Variants in NUP42 observed in about 807,000 individuals in gnomAD.
NUP42 encodes the protein nucleoporin NUP42.
A neutral mutation model predicts 35.9 loss-of-function variants in NUP42; 47 were observed. The ratio of observed to expected loss-of-function variants is 1.31; its 90% CI spans 1.04 to 1.67. The LOEUF (loss-of-function observed/expected upper bound fraction) is 1.67, where lower values mean the gene tolerates loss of function less well. Ranked by LOEUF, NUP42 falls within the 40% of genes most tolerant of loss-of-function variation. The pLI is 0.00. For synonymous variants in NUP42, 173 were observed against 173.3 expected, an observed-to-expected ratio of 1.00 and a Z score of 0.01; for missense variants, 514 against 492.2, an observed-to-expected ratio of 1.04 and a Z score of -0.42.
rs777722795 is a variant in NUP42, at chr7:23,185,196, T to C, written c.248T>C (p.Phe83Ser). The C allele has an allele frequency of 7.4e-6, 12 of 1,614,222 alleles. No homozygotes were observed. The South Asian group carries it at 1.3e-4, about 18-fold the overall frequency. The change falls in exon 2 of 7, where the codon TTT (phenylalanine) becomes TCT (serine). Residue 83 changes from phenylalanine (F) to serine (S), a missense_variant. Coordinates refer to ENST00000258742, the MANE Select transcript of NUP42 (RefSeq NM_007342.3). Reference protein sequence around the residue: ...RDQEKPYFSSFDSGASTNRKE... With the variant: ...RDQEKPYFSSSDSGASTNRKE... Reference sequence around the variant, plus strand: ...CAAGAAAAGCCATATTTCAGTTCTTTTGATTCTGGAGCTTCAACTAACAGG... The same window carrying C: ...CAAGAAAAGCCATATTTCAGTTCTTCTGATTCTGGAGCTTCAACTAACAGG...
Position 23,200,435 on chromosome 7 carries a change from C to T in NUP42, c.962C>T (p.Ala321Val), listed in dbSNP as rs1412549779. 6.2e-7 allele frequency: 1 copy of T among 1,614,208 alleles called. No homozygotes were observed. The highest frequency in any genetic ancestry group is 8.5e-7 in the Non-Finnish European group (1 of 1,180,036). The stretch of plus-strand genomic sequence containing the variant: ...TCACCTGGATTTTCAGGACTTCCAG[C>T]TTCCTTGGCAACAGGTCCTGTCAGA... ...FGSPGFSGLP[A>V]SLATGPVRAP... Residue 321 changes from alanine to valine, a missense_variant, in exon 7 of 7, where the codon GCT becomes GTT. Coordinates refer to ENST00000258742, the MANE Select transcript of NUP42 (RefSeq NM_007342.3).
At position 23,200,809 on chromosome 7, in the gene NUP42, A is replaced by G. The variant is rs1356524073; in HGVS notation, c.*64A>G. On this transcript the variant is annotated 3_prime_UTR_variant, in exon 7 of 7. Transcript: ENST00000258742. ...ATTGCTTTGAGTGATTCATACAGAG[A>G]TGTATATATGCATACATGTATATAT... 2.1e-6 allele frequency: 2 copies of G among 950,592 alleles called. No individual in the cohort carries two copies. Among genetic ancestry groups the G allele is most frequent in the African/African-American group, 3.3e-5 (2 of 60,844 alleles). 58.9% of individuals were successfully genotyped at this position (950,592 alleles called of 1,614,324 possible). A position where few individuals can be genotyped will look rare whatever the true frequency, so the allele number is the denominator to read the frequency against.
chr7:23,200,362 T>C lies in NUP42; in HGVS notation c.889T>C (p.Ser297Pro). ...AFGFGKPEVT[S>P]AASFSFKSPA... ...TGGATTTGGGAAGCCTGAAGTCACA[T>C]CGGCTGCATCATTTTCATTCAAAAG... Residue 297 changes from serine (S) to proline (P), a missense_variant, in exon 7 of 7, where the codon TCG becomes CCG. Transcript: ENST00000258742. 2 of 1,613,350 alleles carry C rather than the reference T, an allele frequency of 1.2e-6. No individual in the cohort carries two copies. Among genetic ancestry groups the C allele is most frequent in the South Asian group, 1.1e-5 (1 of 90,936 alleles).
chr7:23,196,811 C>T, intron 5 of NUP42, 45 bp downstream of exon 5: 2 of 1,324,386 alleles, frequency 1.5e-6, no homozygotes, highest in Non-Finnish European at 2.2e-6. Flanking sequence ...TTACCTATTG[C>T]TTTTTTGCAG....
At position 23,182,156 on chromosome 7, in the gene NUP42, G is replaced by A; in HGVS notation, c.71G>A (p.Gly24Asp). 1 of 1,613,252 alleles carries A rather than the reference G, an allele frequency of 6.2e-7. No homozygotes were observed. Among genetic ancestry groups the A allele is most frequent in the Non-Finnish European group, 8.5e-7 (1 of 1,179,230 alleles). The change falls in exon 1 of 7, where the codon GGT (glycine) becomes GAT (aspartate). Residue 24 changes from glycine (G) to aspartate (D), a missense_variant. Gly to Asp is a moderately conservative substitution (Grantham distance 94). Coordinates refer to ENST00000258742, the MANE Select transcript of NUP42 (RefSeq NM_007342.3). ...GATCGGTGCTGGAACGAACATCCCG[G>A]TGCTAGGGGTGCAGGAGGAGGACGG... ...FGDRCWNEHP[G>D]ARGAGGGRQQ...
At chr7:23,191,065 A>T (rs1785773113) in intron 3 of NUP42, among the ~76,000 whole-genome samples, 1 of 152,196 alleles carries the variant, frequency 6.6e-6, no homozygotes, top group African/African-American at 2.4e-5. Context: ...TGGCAGTAGG[A>T]CTAGCTATTG....
In NUP42 at chr7:23,188,008, T is replaced by TTA. The variant is rs199986142; in HGVS notation, c.445+863_445+864insAT. ...TCTCTCTCTCTTTTTTTATTTTTTA[T>TTA]TTTTATTTTTTTTTTTGTCCATAGT... On this transcript the variant is annotated intron_variant, in intron 3 of 6. Coordinates refer to ENST00000258742, the MANE Select transcript of NUP42 (RefSeq NM_007342.3). 4,053 of 1,050,148 alleles carry TTA rather than the reference T, an allele frequency of 3.9e-3. 55 individuals are homozygous for TTA. Among genetic ancestry groups the TTA allele is most frequent in the South Asian group, 4.0e-3 (224 of 56,654 alleles). 65.1% of individuals were successfully genotyped at this position (1,050,148 alleles called of 1,614,324 possible).
At position 23,200,363 on chromosome 7, in the gene NUP42, C is replaced by T. The variant is rs547828229; in HGVS notation, c.890C>T (p.Ser297Leu). 25 of 1,613,322 alleles carry T rather than the reference C, an allele frequency of 1.5e-5. 1 individual carries two copies. The South Asian group carries it at 2.2e-4, about 14-fold the overall frequency. ...GGATTTGGGAAGCCTGAAGTCACAT[C>T]GGCTGCATCATTTTCATTCAAAAGC... ...AFGFGKPEVTSAASFSFKSPA... is the reference protein window; with the variant it reads ...AFGFGKPEVTLAASFSFKSPA... The change falls in exon 7 of 7, where the codon TCG (serine) becomes TTG (leucine). Residue 297 changes from serine (S) to leucine (L), a missense_variant. Physicochemically the swap from Ser to Leu is moderately radical, Grantham distance 145. Transcript: ENST00000258742.
chr7:23,184,181 G>C (rs939899028), intron 1 of NUP42, among the ~76,000 whole-genome samples: 1 of 152,168 alleles, frequency 6.6e-6, no homozygotes, highest in Non-Finnish European at 1.5e-5. Context: ...CATGCATTCT[G>C]TACACATGTA....
intron 1 of NUP42, among the ~76,000 whole-genome samples, chr7:23,183,410 A>C (rs1358643263): frequency 6.6e-6 from 1 of 152,114 alleles, no homozygotes; most frequent in East Asian, 1.9e-4. Context: ...TAGTAGAGAC[A>C]GGGTTTTGCC....
chr7:23,187,147 G>T lies in NUP42; in HGVS notation c.445+1G>T. ...GTGAAAAAGAAACCTAATATTTCAGGTAACTGAAAAATTGTGCATTTTTAA... is the reference window on the plus strand; with the variant it reads ...GTGAAAAAGAAACCTAATATTTCAGTTAACTGAAAAATTGTGCATTTTTAA... On this transcript the variant is annotated splice_donor_variant, in intron 3 of 6. Coordinates refer to ENST00000258742, the MANE Select transcript of NUP42 (RefSeq NM_007342.3). LOFTEE classifies it high-confidence loss of function. 4 of 1,579,238 alleles carry T rather than the reference G, an allele frequency of 2.5e-6. No individual in the cohort carries two copies. The highest frequency in any genetic ancestry group is 3.5e-6 in the Non-Finnish European group (4 of 1,154,070).
At chr7:23,190,040 G>GAA (rs542020507) in intron 3 of NUP42, among the ~76,000 whole-genome samples, 134 of 152,272 alleles carry the variant, frequency 8.8e-4, no homozygotes, top group Non-Finnish European at 1.5e-3. Context: ...ATGCATGGCT[G>GAA]AAAGTCCATT....
At chr7:23,182,525 T>A (rs1276345738) in intron 1 of NUP42, 2 of 1,078,794 alleles carry the variant, frequency 1.9e-6, no homozygotes, top group Non-Finnish European at 2.3e-6. Context: ...TTTACTAAGT[T>A]GTTTTTTCGA....
At chr7:23,198,205 CTT>C (rs1172738995) in intron 5 of NUP42, 5 of 73,674 alleles carry the variant, frequency 6.8e-5, no homozygotes, top group Non-Finnish European at 7.2e-5. Context: ...CAAAAGCATT[CTT>C]TTTTTTTTTT....
chr7:23,182,887 CT>C (rs1317601523), intron 1 of NUP42, among the ~76,000 whole-genome samples: 1 of 147,992 alleles, frequency 6.8e-6, no homozygotes, highest in East Asian at 2.0e-4. Flanking sequence ...GCACTCCAGC[CT>C]GGGCGACAGA....
rs138813712 is a variant in NUP42 at position 23,200,373 on chromosome 7, A to C, written c.900A>C (p.Ser300=). ...FGKPEVTSAA[S]FSFKSPAASS... Reference sequence around the variant, plus strand: ...AGCCTGAAGTCACATCGGCTGCATCATTTTCATTCAAAAGCCCTGCAGCTT... The same window carrying C: ...AGCCTGAAGTCACATCGGCTGCATCCTTTTCATTCAAAAGCCCTGCAGCTT... Residue 300 remains serine (S), a synonymous_variant, in exon 7 of 7, where the codon TCA becomes TCC. Transcript: ENST00000258742. 15 of 1,613,794 alleles carry C rather than the reference A, an allele frequency of 9.3e-6. No individual in the cohort carries two copies. Among genetic ancestry groups the C allele is most frequent in the Non-Finnish European group, 1.2e-5 (14 of 1,179,940 alleles).
At position 23,182,199 on chromosome 7, in the gene NUP42, G is replaced by C. The variant is rs746119877; in HGVS notation, c.114G>C (p.Gln38His). The C allele has an allele frequency of 7.5e-6, 12 of 1,605,464 alleles. No individual in the cohort carries two copies. The highest frequency in any genetic ancestry group is 1.0e-5 in the Non-Finnish European group (12 of 1,174,974). ...GAGGACGGCAGCAACCGCAGCAGCA[G>C]CCTTCAGGTGACTCTCCTCTGAATC... Reference protein sequence around the residue: ...AGGGRQQPQQQPSGNNRRGWN... With the variant: ...AGGGRQQPQQHPSGNNRRGWN... The change falls in exon 1 of 7, where the codon CAG becomes CAC. Residue 38 changes from glutamine to histidine, a missense_variant. Transcript: ENST00000258742.
intron 3 of NUP42, among the ~76,000 whole-genome samples, chr7:23,193,898 C>T (rs930471243): frequency 7.2e-5 from 11 of 152,238 alleles, no homozygotes; most frequent in African/African-American, 2.2e-4. Context: ...AGCTAAGACC[C>T]GGCAAGAAAT....
chr7:23,199,883 G>A (rs774177796), intron 6 of NUP42, among the ~76,000 whole-genome samples: 12 of 152,282 alleles, frequency 7.9e-5, no homozygotes, highest in Admixed American at 6.5e-4. Flanking sequence ...GGTGAGGTAA[G>A]TAGAAACCAA....
Sources: gnomAD v4.1 joint callset for allele counts (sites outside exome capture counted in the v4.1 genomes callset) on GRCh38, gnomAD v4.1.1 for gene constraint, MANE v1.5 for transcripts, NCBI Gene and HGNC (gene_info 2026-07-23, HGNC 2026-07-21) for gene names.